NAA25: variants seen among roughly 807,000 people sequenced by gnomAD.
NAA25 encodes the protein N-terminal acetyltransferase B complex subunit NAA25.
In NAA25, 30 loss-of-function variants were observed where a neutral mutation model predicts 132.5. That is an observed-to-expected ratio of 0.23 (90% CI 0.17 to 0.31). The LOEUF (loss-of-function observed/expected upper bound fraction) is 0.31, where lower values mean the gene tolerates loss of function less well. Among genes scored for constraint, NAA25 ranks in the 10% least tolerant of loss-of-function variants. The pLI is 1.00. For synonymous variants in NAA25, 359 were observed against 401.9 expected, an observed-to-expected ratio of 0.89 and a Z score of 1.28; for missense variants, 771 against 1,150.4, an observed-to-expected ratio of 0.67 and a Z score of 4.77.
chr12:112,044,983 T>A (rs1020266688), intron 17 of NAA25, among the ~76,000 whole-genome samples: 1 of 149,228 alleles, frequency 6.7e-6, no homozygotes, highest in African/African-American at 2.5e-5. Flanking sequence ...AGCCCAGGAG[T>A]TCAAGGCTGC....
chr12:112,043,212 C>G lies in NAA25; in HGVS notation c.2251-1G>C. 1 of 1,576,854 alleles carries G rather than the reference C, an allele frequency of 6.3e-7. No homozygotes were observed. Among genetic ancestry groups the G allele is most frequent in the Non-Finnish European group, 8.6e-7 (1 of 1,164,030 alleles). Reference sequence around the variant, plus strand: ...TAGGTACAGGACCAAGGAAAGGATACTGGAAAAAAGGGAGAAAAATAATGC... The same window carrying G: ...TAGGTACAGGACCAAGGAAAGGATAGTGGAAAAAAGGGAGAAAAATAATGC... On this transcript the variant is annotated splice_acceptor_variant, in intron 18 of 23. Transcript: ENST00000261745. LOFTEE classifies it high-confidence loss of function.
chr12:112,031,948 T>C (rs1170526546), intron 23 of NAA25, among the ~76,000 whole-genome samples: 1 of 151,806 alleles, frequency 6.6e-6, no homozygotes, highest in Non-Finnish European at 1.5e-5. Flanking sequence ...CTAGGTTCAA[T>C]ATGAACATGT....
intron 4 of NAA25, among the ~76,000 whole-genome samples, chr12:112,085,027 C>T (rs563302346): frequency 1.3e-5 from 2 of 152,188 alleles, no homozygotes; most frequent in South Asian, 2.1e-4. Flanking sequence ...GTGAGGAGTT[C>T]GAGACCAGCC....
In NAA25 at chr12:112,080,999, G is replaced by A. The variant is rs11066150; in HGVS notation, c.477+61C>T. On this transcript the variant is annotated intron_variant, in intron 5 of 23. Coordinates refer to ENST00000261745, the MANE Select transcript of NAA25 (RefSeq NM_024953.4). Reference sequence around the variant, plus strand: ...AAAACCAGTTCAGAAGACACACTGAGGACAATAACTATATAAAAAATAAAA... The same window carrying A: ...AAAACCAGTTCAGAAGACACACTGAAGACAATAACTATATAAAAAATAAAA... 0.017 allele frequency: 24,026 copies of A among 1,375,904 alleles called. 4,787 individuals carry two copies. The East Asian group carries it at 0.46, about 26-fold the overall frequency. 85.2% of individuals were successfully genotyped at this position (1,375,904 alleles called of 1,614,324 possible). A position where few individuals can be genotyped will look rare whatever the true frequency, so the allele number is the denominator to read the frequency against.
chr12:112,056,370 A>T (rs556463413), intron 13 of NAA25, among the ~76,000 whole-genome samples: 16 of 151,814 alleles, frequency 1.1e-4, no homozygotes, highest in South Asian at 2.1e-4. Context: ...TAAAAAATTT[A>T]AAAAAATTTA....
chr12:112,038,719 C>T (rs563134302), intron 22 of NAA25, among the ~76,000 whole-genome samples: 1 of 152,182 alleles, frequency 6.6e-6, no homozygotes, highest in Admixed American at 6.6e-5. Context: ...GTGGCTCACG[C>T]CTGTAATCTC....
intron 13 of NAA25, among the ~76,000 whole-genome samples, chr12:112,055,765 GA>G (rs1399374830): frequency 3.3e-5 from 5 of 151,984 alleles, no homozygotes; most frequent in African/African-American, 1.2e-4. Context: ...GAGTGCTTTT[GA>G]GGTCCAAAAA....
chr12:112,106,415 G>A (rs547539869), intron 1 of NAA25, among the ~76,000 whole-genome samples: 1 of 151,914 alleles, frequency 6.6e-6, no homozygotes, highest in South Asian at 2.1e-4. Flanking sequence ...TCTGCAGGCA[G>A]CTGCTGCACA....
At chr12:112,098,115 A>G (rs1300513232) in intron 1 of NAA25, among the ~76,000 whole-genome samples, 1 of 112,402 alleles carries the variant, frequency 8.9e-6, no homozygotes, top group African/African-American at 4.5e-5. Context: ...GCAAGACTCC[A>G]TCTCAAAAAA....
chr12:112,081,940 T>A (rs1446647026), intron 4 of NAA25, among the ~76,000 whole-genome samples: 6 of 152,140 alleles, frequency 3.9e-5, no homozygotes, highest in Non-Finnish European at 8.8e-5. Context: ...ATGACTGAAA[T>A]GTATTTAGCA....
rs1157341854 is a variant in NAA25, at chr12:112,049,113, A to T, written c.1729-670T>A. Among the ~76,000 whole-genome samples the T allele has an allele frequency of 6.6e-6, 1 of 152,206 alleles. No individual in the cohort carries two copies. Among genetic ancestry groups the T allele is most frequent in the African/African-American group, 2.4e-5 (1 of 41,446 alleles). On this transcript the variant is annotated intron_variant, in intron 15 of 23. Coordinates refer to ENST00000261745, the MANE Select transcript of NAA25 (RefSeq NM_024953.4). This position sits in a 1 kb window ranked among gnomAD's most constrained non-coding sequence, Gnocchi z 4.7. ...TAAGACCTCTGCTGGAAATTTCCTT[A>T]AACAAGTATGTGAAGGGAACATTCA...
rs1377515679 is a variant in NAA25 at position 112,053,692 on chromosome 12, T to C, written c.1629-35A>G. ...AAGGAAAGAAGGAAAAAAAAAGACATGTTATACTTACTTACCTAGCTCAAG... is the reference window on the plus strand; with the variant it reads ...AAGGAAAGAAGGAAAAAAAAAGACACGTTATACTTACTTACCTAGCTCAAG... On this transcript the variant is annotated intron_variant, in intron 14 of 23. Transcript: ENST00000261745. 6 of 1,474,572 alleles carry C rather than the reference T, an allele frequency of 4.1e-6. No homozygotes were observed. The Admixed American group carries it at 7.3e-5, about 18-fold the overall frequency. 91.3% of individuals were successfully genotyped at this position (1,474,572 alleles called of 1,614,324 possible).
At chr12:112,104,422 AAAAT>A (rs764835787) in intron 1 of NAA25, among the ~76,000 whole-genome samples, 1 of 152,248 alleles carries the variant, frequency 6.6e-6, no homozygotes, top group South Asian at 2.1e-4. Flanking sequence ...AAAAGAAAGA[AAAAT>A]AAATAAATAA....
chr12:112,100,840 G>A (rs912744338), intron 1 of NAA25, among the ~76,000 whole-genome samples: 6 of 151,352 alleles, frequency 4.0e-5, no homozygotes, highest in Non-Finnish European at 7.4e-5. Flanking sequence ...GGATAGTCTC[G>A]ATCTCCTGAC....
chr12:112,061,426 C>T (rs2136860757), intron 11 of NAA25, 38 bp from the exon 12 acceptor site: 3 of 1,434,934 alleles, frequency 2.1e-6, no homozygotes, highest in Non-Finnish European at 2.9e-6. Context: ...GGTCTCAAAA[C>T]ACAACTAGTC....
rs2078573411 is a variant in NAA25, at chr12:112,058,024, G to A, written c.1447+2246C>T. On this transcript the variant is annotated intron_variant, in intron 13 of 23. Transcript: ENST00000261745. ...TAGCTAGGCATAGTGGCACGTGCCT[G>A]TAATCACAGCTACTCGGGCAGCTGA... 2.6e-5 allele frequency among the ~76,000 whole-genome samples: 4 copies of A among 152,132 alleles called. No individual in the cohort carries two copies. In the South Asian group the frequency reaches 8.3e-4, roughly 31 times the overall value.
At chr12:112,097,927 G>C (rs2079237999) in intron 1 of NAA25, among the ~76,000 whole-genome samples, 1 of 151,826 alleles carries the variant, frequency 6.6e-6, no homozygotes, top group African/African-American at 2.4e-5. Flanking sequence ...AGACCAGCCT[G>C]GCCAACACGG....
intron 22 of NAA25, among the ~76,000 whole-genome samples, chr12:112,037,979 A>G (rs1445260671): frequency 6.6e-6 from 1 of 152,094 alleles, no homozygotes; most frequent in Non-Finnish European, 1.5e-5. Flanking sequence ...AAAAAGGTAT[A>G]AAAGACATAA....
chr12:112,099,580 T>C lies in NAA25; in HGVS notation c.59-6444A>G, dbSNP rs1276020525. Among the ~76,000 whole-genome samples the C allele has an allele frequency of 2.6e-5, 4 of 152,248 alleles. No homozygotes were observed. The East Asian group carries it at 7.7e-4, about 29-fold the overall frequency. Reference sequence around the variant, plus strand: ...ATTTGGGAAGAACTGGGATAAATCATTGGCAAGACACTATCAAAATTTGTT... The same window carrying C: ...ATTTGGGAAGAACTGGGATAAATCACTGGCAAGACACTATCAAAATTTGTT... On this transcript the variant is annotated intron_variant, in intron 1 of 23. Transcript: ENST00000261745.
Sources: gnomAD v4.1 joint callset for allele counts (sites outside exome capture counted in the v4.1 genomes callset) on GRCh38, gnomAD v4.1.1 for gene constraint, Gnocchi (gnomAD v3.1) non-coding constraint, MANE v1.5 for transcripts, NCBI Gene and HGNC (gene_info 2026-07-23, HGNC 2026-07-21) for gene names.